The following NAPG variants were observed in gnomAD, a reference collection of about 807,000 sequenced individuals.
The protein encoded by NAPG is gamma-soluble NSF attachment protein.
In NAPG, 25 loss-of-function variants were observed where a neutral mutation model predicts 48.4. That is an observed-to-expected ratio of 0.52 (90% confidence interval 0.38 to 0.72). The LOEUF is 0.72. Among genes scored for constraint, NAPG ranks in the 30% least tolerant of loss-of-function variants. The probability of loss-of-function intolerance (pLI) is 0.00; values close to 1 mark genes in which losing one functional copy is unlikely to be tolerated. For synonymous variants in NAPG, 139 were observed against 127.2 expected, an observed-to-expected ratio of 1.09 and a Z score of -0.62; for missense variants, 359 against 372.5, an observed-to-expected ratio of 0.96 and a Z score of 0.30.
At chr18:10,532,871 T>C (rs928119802) in intron 3 of NAPG, 76 bp downstream of exon 3, 1 of 1,186,218 alleles carries the variant, frequency 8.4e-7, no homozygotes, top group Admixed American at 2.5e-5. Flanking sequence ...GCTGTAAATT[T>C]ACTTTACTAC....
chr18:10,539,937 A>G lies in NAPG; in HGVS notation c.369-51A>G, dbSNP rs1282440256. On this transcript the variant is annotated intron_variant, in intron 6 of 11. Transcript: ENST00000322897. This position sits in a 1 kb window ranked among gnomAD's most constrained non-coding sequence, Gnocchi z 4.7. ...CTTTTTGTTTTAAAGAGGTCCCTGA[A>G]AAACAAGTTTTCCATTTCTCATATA... 7 of 1,608,748 alleles carry G rather than the reference A, an allele frequency of 4.4e-6. No individual in the cohort carries two copies. Among genetic ancestry groups the G allele is most frequent in the Non-Finnish European group, 5.1e-6 (6 of 1,176,692 alleles).
chr18:10,539,662 C>A lies in NAPG; in HGVS notation c.259-100C>A. The A allele has an allele frequency of 2.0e-6, 2 of 982,354 alleles. No individual in the cohort carries two copies. Among genetic ancestry groups the A allele is most frequent in the Non-Finnish European group, 3.1e-6 (2 of 641,836 alleles). The allele number at this position is 982,354 out of a possible 1,614,324, so 60.9% of individuals were successfully genotyped here. A position where few individuals can be genotyped will look rare whatever the true frequency, so the allele number is the denominator to read the frequency against. ...ACCTGCACATTCTGCACATGTGTCC[C>A]AGAACTTAAAATAAAAAATAATTGC... On this transcript the variant is annotated intron_variant, in intron 5 of 11. Transcript: ENST00000322897. This position sits in a 1 kb window ranked among gnomAD's most constrained non-coding sequence, Gnocchi z 4.7.
chr18:10,535,472 AAAGTGAGGT>A (rs765116894), intron 5 of NAPG, among the ~76,000 whole-genome samples: 2 of 152,210 alleles, frequency 1.3e-5, no homozygotes, highest in Non-Finnish European at 2.9e-5. Context: ...GAATAATAGG[AAAGTGAGGT>A]TGGATGTAGT....
intron 5 of NAPG, among the ~76,000 whole-genome samples, chr18:10,535,295 C>G (rs1567889508): frequency 6.6e-6 from 1 of 151,878 alleles, no homozygotes. Context: ...ATAAAAAATA[C>G]CGAAAAGTTA....
intron 11 of NAPG, 93 bp from the exon 12 acceptor site, chr18:10,549,984 G>T (rs985019543): frequency 8.2e-5 from 109 of 1,324,862 alleles, no homozygotes; most frequent in Non-Finnish European, 1.1e-4. Flanking sequence ...TGTTCCTGAG[G>T]GTGGGGAGCC....
At chr18:10,535,781 A>G (rs1017613100) in intron 5 of NAPG, among the ~76,000 whole-genome samples, 1 of 152,198 alleles carries the variant, frequency 6.6e-6, no homozygotes. Context: ...TAATAATAGG[A>G]AAGTGTTTAA....
chr18:10,547,343 A>G (rs1464560017), intron 9 of NAPG, among the ~76,000 whole-genome samples: 2 of 152,342 alleles, frequency 1.3e-5, no homozygotes, highest in South Asian at 2.1e-4. Flanking sequence ...GCAGCATCAC[A>G]TTCACAGTAC....
chr18:10,530,457 G>A (rs1284792694), intron 1 of NAPG, among the ~76,000 whole-genome samples: 4 of 152,164 alleles, frequency 2.6e-5, no homozygotes, highest in East Asian at 1.9e-4. Flanking sequence ...CCTCAGAGGT[G>A]CTGTAGGCTT....
chr18:10,530,735 G>A (rs965788670), intron 1 of NAPG, 35 bp from the exon 2 acceptor site: 66 of 1,393,762 alleles, frequency 4.7e-5, no homozygotes, highest in Admixed American at 1.5e-4. Context: ...AAATGTGGTT[G>A]GTAACTCCTG....
At chr18:10,536,683 AAT>A (rs1407919442) in intron 5 of NAPG, among the ~76,000 whole-genome samples, 1 of 152,210 alleles carries the variant, frequency 6.6e-6, no homozygotes, top group Non-Finnish European at 1.5e-5. Context: ...TTAAACAACA[AAT>A]AGGACTCGGA....
In NAPG at chr18:10,549,845, T is replaced by C. The variant is rs145964682; in HGVS notation, c.796-232T>C. Among the ~76,000 whole-genome samples the C allele has an allele frequency of 4.0e-3, 616 of 152,262 alleles. 2 individuals carry two copies. The highest frequency in any genetic ancestry group is 0.018 in the East Asian group (95 of 5,190). On this transcript the variant is annotated intron_variant, in intron 11 of 11. Transcript: ENST00000322897. Reference sequence around the variant, plus strand: ...TAGGTTTTGAAAATATATATATTTCTAAAGTTTTAATTAAAAAAAATTTAT... The same window carrying C: ...TAGGTTTTGAAAATATATATATTTCCAAAGTTTTAATTAAAAAAAATTTAT...
At chr18:10,545,653 A>G (rs2032247565) in intron 8 of NAPG, among the ~76,000 whole-genome samples, 1 of 152,190 alleles carries the variant, frequency 6.6e-6, no homozygotes, top group African/African-American at 2.4e-5. Context: ...GGCTGGGGGA[A>G]TGAGAAAGGG....
chr18:10,546,834 A>C lies in NAPG; in HGVS notation c.585+430A>C, dbSNP rs9958815. On this transcript the variant is annotated intron_variant, in intron 9 of 11. Transcript: ENST00000322897. This position sits in a 1 kb window ranked among gnomAD's most constrained non-coding sequence, Gnocchi z 4.0. The stretch of plus-strand genomic sequence containing the variant: ...AGAAACCCCGCCTTTCTAACCAGCA[A>C]TGGGAGAAGAGGTCCCATTGTTTTC... Among the ~76,000 whole-genome samples the C allele has an allele frequency of 0.097, 14,743 of 152,182 alleles. 2,266 individuals are homozygous for C. The highest frequency in any genetic ancestry group is 0.33 in the African/African-American group (13,545 of 41,452).
chr18:10,531,565 G>A (rs2031928738), intron 2 of NAPG, among the ~76,000 whole-genome samples: 1 of 152,198 alleles, frequency 6.6e-6, no homozygotes, highest in Non-Finnish European at 1.5e-5. Flanking sequence ...TCTGGGGCAA[G>A]TGCTTTTGGT....
chr18:10,551,838 T>G lies in NAPG; in HGVS notation c.*1618T>G, dbSNP rs1598414557. On this transcript the variant is annotated 3_prime_UTR_variant, in exon 12 of 12. Coordinates refer to ENST00000322897, the MANE Select transcript of NAPG (RefSeq NM_003826.3). ...TTATTGTAAGTCTGATACAAAATGC[T>G]AATAAATTTAATGTTTTTCTTCCTT... 1.3e-5 allele frequency: 2 copies of G among 152,248 alleles called. No homozygotes were observed. Among genetic ancestry groups the G allele is most frequent in the East Asian group, 3.8e-4 (2 of 5,198 alleles). 9.4% of individuals were successfully genotyped at this position (152,248 alleles called of 1,614,324 possible). A position where few individuals can be genotyped will look rare whatever the true frequency, so the allele number is the denominator to read the frequency against.
intron 8 of NAPG, among the ~76,000 whole-genome samples, chr18:10,541,518 G>C (rs2032156964): frequency 6.6e-6 from 1 of 152,182 alleles, no homozygotes; most frequent in South Asian, 2.1e-4. Flanking sequence ...TGGCGTTATG[G>C]CTGTGGCAAA....
At chr18:10,547,296 A>G (rs1375497747) in intron 9 of NAPG, among the ~76,000 whole-genome samples, 1 of 152,224 alleles carries the variant, frequency 6.6e-6, no homozygotes, top group Non-Finnish European at 1.5e-5. Context: ...ACCTGCTGAA[A>G]ACATCTGTAC....
rs539830198 is a variant in NAPG at position 10,550,896 on chromosome 18, A to G, written c.*676A>G. 6.6e-6 allele frequency: 1 copy of G among 152,234 alleles called. No homozygotes were observed. Among genetic ancestry groups the G allele is most frequent in the East Asian group, 1.9e-4 (1 of 5,188 alleles). 9.4% of individuals were successfully genotyped at this position (152,234 alleles called of 1,614,324 possible). A position where few individuals can be genotyped will look rare whatever the true frequency, so the allele number is the denominator to read the frequency against. On this transcript the variant is annotated 3_prime_UTR_variant, in exon 12 of 12. Transcript: ENST00000322897. ...TGAAGTGTGGGTATTTCTTCTATCT[A>G]AAAAATACATACAGTGACTGTCTTC...
In NAPG at chr18:10,540,066, T is replaced by C. The variant is rs560217810; in HGVS notation, c.435+12T>C. 1.9e-6 allele frequency: 3 copies of C among 1,542,670 alleles called. No homozygotes were observed. Among genetic ancestry groups the C allele is most frequent in the Admixed American group, 4.0e-5 (2 of 50,328 alleles). On this transcript the variant is annotated intron_variant, in intron 7 of 11. Transcript: ENST00000322897. ...CTAATGTGTTTGAAGTAAGTTTGAATCTTATTTTTTTCTTTAATTACTTAG... is the reference window on the plus strand; with the variant it reads ...CTAATGTGTTTGAAGTAAGTTTGAACCTTATTTTTTTCTTTAATTACTTAG...
Sources: allele counts gnomAD v4.1 joint callset (sites outside exome capture counted in the v4.1 genomes callset), GRCh38; gene constraint gnomAD v4.1.1; non-coding constraint Gnocchi (gnomAD v3.1); transcripts MANE v1.5; gene names NCBI Gene and HGNC (gene_info 2026-07-23, HGNC 2026-07-21).